Variants in INSYN2B observed in about 807,000 individuals in gnomAD.
INSYN2B encodes the protein inhibitory synaptic factor family member 2B, also known as protein INSYN2B.
A neutral mutation model predicts 41.2 loss-of-function variants in INSYN2B; 16 were observed. The ratio of observed to expected loss-of-function variants is 0.39; its 90% CI spans 0.26 to 0.59. INSYN2B has a LOEUF of 0.59. Among genes scored for constraint, INSYN2B ranks in the 20% least tolerant of loss-of-function variants. The probability of loss-of-function intolerance (pLI) is 0.57; values close to 1 mark genes in which losing one functional copy is unlikely to be tolerated. For synonymous variants in INSYN2B, 245 were observed against 244.4 expected, an observed-to-expected ratio of 1.00 and a Z score of -0.02; for missense variants, 608 against 646.4, an observed-to-expected ratio of 0.94 and a Z score of 0.64.
intron 1 of INSYN2B, among the ~76,000 whole-genome samples, chr5:169,978,400 G>C (rs889213787): frequency 7.2e-6 from 1 of 139,772 alleles, no homozygotes; most frequent in African/African-American, 2.7e-5. Flanking sequence ...TGTGGGGGGG[G>C]GGGGGTGTAG....
chr5:169,941,153 C>T (rs533119564), intron 1 of INSYN2B, among the ~76,000 whole-genome samples: 1 of 152,276 alleles, frequency 6.6e-6, no homozygotes, highest in Admixed American at 6.5e-5. Flanking sequence ...GAGCAGATAA[C>T]AAGGATCCCT....
At chr5:169,955,689 A>G (rs1229609464) in intron 1 of INSYN2B, among the ~76,000 whole-genome samples, 1 of 152,174 alleles carries the variant, frequency 6.6e-6, no homozygotes, top group Admixed American at 6.5e-5. Context: ...TAGCCACTAT[A>G]TAGCTGTGGA....
At chr5:169,872,781 A>G (rs750518434) in intron 3 of INSYN2B, among the ~76,000 whole-genome samples, 1 of 152,146 alleles carries the variant, frequency 6.6e-6, no homozygotes, top group Non-Finnish European at 1.5e-5. Context: ...TGAAAGTAGG[A>G]CCTAGTTTTG....
chr5:169,900,208 G>A (rs182495308), intron 1 of INSYN2B, among the ~76,000 whole-genome samples: 1 of 152,300 alleles, frequency 6.6e-6, no homozygotes, highest in East Asian at 1.9e-4. Flanking sequence ...TTTAAGCAAG[G>A]TCAGGTATTG....
chr5:169,862,017 G>GT lies in INSYN2B; in HGVS notation c.*2255dup, dbSNP rs1366933418. Reference sequence around the variant, plus strand: ...TTATTTAATTCAGTTAAGGGTTCATGTGAGGGCCTCAACTGGAAACATATC... The same window carrying GT: ...TTATTTAATTCAGTTAAGGGTTCATGTTGAGGGCCTCAACTGGAAACATATC... On this transcript the variant is annotated 3_prime_UTR_variant, in exon 4 of 4. Coordinates refer to ENST00000377365, the MANE Select transcript of INSYN2B (RefSeq NM_001129891.3). Among the ~76,000 whole-genome samples the GT allele has an allele frequency of 6.6e-6, 1 of 151,386 alleles. No individual in the cohort carries two copies. The highest frequency in any genetic ancestry group is 2.4e-5 in the African/African-American group (1 of 41,182).
At position 169,965,823 on chromosome 5, in the gene INSYN2B, A is replaced by G. The variant is rs180917781; in HGVS notation, c.-919+14454T>C. 5.8e-3 allele frequency among the ~76,000 whole-genome samples: 886 copies of G among 152,302 alleles called. 3 individuals are homozygous for G. Among genetic ancestry groups the G allele is most frequent in the Non-Finnish European group, 8.4e-3 (573 of 68,024 alleles). On this transcript the variant is annotated intron_variant, in intron 1 of 3. Transcript: ENST00000377365. Reference sequence around the variant, plus strand: ...CTATAGAGGTTAAAATATTCACCCAAAATCATTTAACTCATTGATGGCAAA... The same window carrying G: ...CTATAGAGGTTAAAATATTCACCCAGAATCATTTAACTCATTGATGGCAAA...
At chr5:169,911,885 C>T (rs989337389) in intron 1 of INSYN2B, among the ~76,000 whole-genome samples, 3 of 152,168 alleles carry the variant, frequency 2.0e-5, no homozygotes, top group African/African-American at 7.2e-5. Context: ...AAATAATGCC[C>T]CACTGTCATC....
At chr5:169,976,086 T>C (rs888531391) in intron 1 of INSYN2B, among the ~76,000 whole-genome samples, 9 of 152,224 alleles carry the variant, frequency 5.9e-5, no homozygotes, top group African/African-American at 1.9e-4. Context: ...CCCTATAACA[T>C]TCTTTTGGAG....
chr5:169,861,915 A>AT lies in INSYN2B; in HGVS notation c.*2357dup, dbSNP rs1016218414. 3.4e-5 allele frequency among the ~76,000 whole-genome samples: 5 copies of AT among 149,102 alleles called. No homozygotes were observed. The highest frequency in any genetic ancestry group is 1.4e-4 in the Admixed American group (2 of 14,712). On this transcript the variant is annotated 3_prime_UTR_variant, in exon 4 of 4. Coordinates refer to ENST00000377365, the MANE Select transcript of INSYN2B (RefSeq NM_001129891.3). ...TTCTAGAAATGTCAACATTTTATTT[A>AT]TTTTTTTCTTTTCTTTTCTTTTCTT... is the stretch of plus-strand genomic sequence containing the variant.
At chr5:169,979,229 A>T (rs1777851022) in intron 1 of INSYN2B, among the ~76,000 whole-genome samples, 1 of 152,332 alleles carries the variant, frequency 6.6e-6, no homozygotes, top group Admixed American at 6.5e-5. Context: ...CCTACACTGT[A>T]AAGTTTGAAC....
rs116533530 is a variant in INSYN2B, at chr5:169,958,987, C to T, written c.-919+21290G>A. ...CCTAGAATCCAAATCAAACAGCTCC[C>T]GTTAGTAAACTACTAACTTATAAAG... On this transcript the variant is annotated intron_variant, in intron 1 of 3. Coordinates refer to ENST00000377365, the MANE Select transcript of INSYN2B (RefSeq NM_001129891.3). Among the ~76,000 whole-genome samples, 887 of 152,258 alleles carry T rather than the reference C, an allele frequency of 5.8e-3. 6 individuals are homozygous for T. The highest frequency in any genetic ancestry group is 0.02 in the African/African-American group (812 of 41,532).
intron 1 of INSYN2B, among the ~76,000 whole-genome samples, chr5:169,899,299 G>C (rs1362833147): frequency 6.6e-6 from 1 of 152,164 alleles, no homozygotes; most frequent in Non-Finnish European, 1.5e-5. Flanking sequence ...TAGATCCTCA[G>C]AGTGCCTGAC....
At chr5:169,878,197 C>T (rs561225458) in intron 3 of INSYN2B, among the ~76,000 whole-genome samples, 20 of 152,246 alleles carry the variant, frequency 1.3e-4, no homozygotes, top group African/African-American at 3.9e-4. Flanking sequence ...AGAGGGACCT[C>T]GTGCCCTTGA....
intron 1 of INSYN2B, among the ~76,000 whole-genome samples, chr5:169,935,663 T>C (rs1202665872): frequency 1.3e-5 from 2 of 152,222 alleles, no homozygotes; most frequent in Non-Finnish European, 2.9e-5. Flanking sequence ...ACGTTGCCGA[T>C]GCGGTGAAGT....
At chr5:169,945,697 G>A (rs1776421546) in intron 1 of INSYN2B, among the ~76,000 whole-genome samples, 1 of 152,134 alleles carries the variant, frequency 6.6e-6, no homozygotes, top group Non-Finnish European at 1.5e-5. Context: ...GGCTGGATGT[G>A]CTCCTCCCGC....
chr5:169,921,605 T>C (rs1324133915), intron 1 of INSYN2B, among the ~76,000 whole-genome samples: 1 of 152,234 alleles, frequency 6.6e-6, no homozygotes, highest in Non-Finnish European at 1.5e-5. Flanking sequence ...AGATGTCTGT[T>C]TAACTTTGTT....
chr5:169,969,185 C>T (rs1777409227), intron 1 of INSYN2B, among the ~76,000 whole-genome samples: 1 of 152,032 alleles, frequency 6.6e-6, no homozygotes, highest in Admixed American at 6.5e-5. Flanking sequence ...TGGCTCATCC[C>T]TGTAATCCCA....
At chr5:169,872,979 T>A (rs182109036) in intron 3 of INSYN2B, among the ~76,000 whole-genome samples, 1 of 152,320 alleles carries the variant, frequency 6.6e-6, no homozygotes, top group East Asian at 1.9e-4. Flanking sequence ...TGGTAATGAT[T>A]ATTACACTAA....
At chr5:169,897,407 T>C (rs1440698372) in intron 1 of INSYN2B, among the ~76,000 whole-genome samples, 3 of 152,176 alleles carry the variant, frequency 2.0e-5, no homozygotes, top group South Asian at 4.1e-4. Context: ...GAAGGGATGG[T>C]CTCGATCTCC....
Sources: allele counts gnomAD v4.1 joint callset (sites outside exome capture counted in the v4.1 genomes callset), GRCh38; gene constraint gnomAD v4.1.1; transcripts MANE v1.5; gene names NCBI Gene and HGNC (gene_info 2026-07-23, HGNC 2026-07-21).